The following TROAP variants were observed in gnomAD, a reference collection of about 807,000 sequenced individuals.
TROAP encodes trophinin associated protein.
TROAP carries 62 observed loss-of-function variants against 83.4 expected under a neutral mutation model. The observed-to-expected ratio is 0.74, with a 90% CI of 0.61 to 0.92. The LOEUF (loss-of-function observed/expected upper bound fraction) is 0.92. Among genes scored for constraint, TROAP ranks in the 40% least tolerant of loss-of-function variants. The pLI is 0.00. For synonymous variants in TROAP, 352 were observed against 386.4 expected, an observed-to-expected ratio of 0.91 and a Z score of 1.04; for missense variants, 876 against 985.1, an observed-to-expected ratio of 0.89 and a Z score of 1.48.
In TROAP at chr12:49,326,134, G is replaced by A. The variant is rs770183739; in HGVS notation, c.692G>A (p.Arg231Lys). The change falls in exon 6 of 15, where the codon AGA becomes AAA. Residue 231 changes from arginine to lysine, a missense_variant. Physicochemically the swap from Arg to Lys is conservative, Grantham distance 26. Transcript: ENST00000257909. ...PSTRPSFQELRRETAGSSRTS... is the reference protein window; with the variant it reads ...PSTRPSFQELKRETAGSSRTS... ...ACTCGCCCCAGTTTCCAGGAGCTAA[G>A]AAGGGAGACAGCTGGCAGCAGCCGG... 6.2e-7 allele frequency: 1 copy of A among 1,614,056 alleles called. No individual in the cohort carries two copies. The highest frequency in any genetic ancestry group is 1.1e-5 in the South Asian group (1 of 91,078).
chr12:49,325,094 T>G (rs936312601), intron 3 of TROAP, among the ~76,000 whole-genome samples: 1 of 151,648 alleles, frequency 6.6e-6, no homozygotes, highest in Non-Finnish European at 1.5e-5. Flanking sequence ...TTTGTTTTTG[T>G]TTTTTGTAGA....
Position 49,331,276 on chromosome 12 carries a change from G to A in TROAP, c.2161G>A (p.Ala721Thr), listed in dbSNP as rs757967719. The A allele has an allele frequency of 1.2e-5, 20 of 1,614,048 alleles. No homozygotes were observed. The highest frequency in any genetic ancestry group is 1.1e-4 in the African/African-American group (8 of 74,916). ...GGAGCGCCTCAAATCGTGTTTAACC[G>A]CCATCCACTGCTTCCACGAGGCTCG... is the stretch of plus-strand genomic sequence containing the variant. Reference protein sequence around the residue: ...LRERLKSCLTAIHCFHEARLD... With the variant: ...LRERLKSCLTTIHCFHEARLD... Residue 721 changes from alanine (A) to threonine (T), a missense_variant, in exon 14 of 15, where the codon GCC (alanine) becomes ACC (threonine). This residue lies in a region of TROAP where 184 missense variants were observed against 238.3 expected (regional missense o/e 0.77). Transcript: ENST00000257909.
intron 8 of TROAP, 46 bp from the exon 9 acceptor site, chr12:49,328,881 G>A (rs376618214): frequency 2.2e-5 from 33 of 1,503,650 alleles, no homozygotes; most frequent in Non-Finnish European, 2.7e-5. Context: ...AAAATAGGAA[G>A]ACAAAGGGGG....
chr12:49,326,752 G>A, intron 7 of TROAP, 32 bp downstream of exon 7: 1 of 1,554,700 alleles, frequency 6.4e-7, no homozygotes. Flanking sequence ...AGAGAACAGG[G>A]GCAGTTGGGC....
rs191626545 is a variant in TROAP at position 49,323,338 on chromosome 12, G to C, written c.-17G>C. On this transcript the variant is annotated 5_prime_UTR_variant, in exon 1 of 15. Coordinates refer to ENST00000257909, the MANE Select transcript of TROAP (RefSeq NM_005480.4). ...GGAGGAAGCTGGGTAGGCCCTGAGG[G>C]GCCTCGGTAAGGTAAGGCACGGGGG... 1 of 425,060 alleles carries C rather than the reference G, an allele frequency of 2.4e-6. No homozygotes were observed. The highest frequency in any genetic ancestry group is 2.0e-5 in the African/African-American group (1 of 49,216). The allele number at this position is 425,060 out of a possible 1,614,324, so 26.3% of individuals were successfully genotyped here.
intron 7 of TROAP, 89 bp from the exon 8 acceptor site, chr12:49,327,120 T>TGC (rs1943511752): frequency 1.3e-5 from 20 of 1,540,064 alleles, no homozygotes; most frequent in Non-Finnish European, 1.5e-5. Context: ...CCTATTAAAC[T>TGC]AATATACCCT....
chr12:49,326,083 C>A lies in TROAP; in HGVS notation c.641C>A (p.Pro214His). 1 of 1,613,806 alleles carries A rather than the reference C, an allele frequency of 6.2e-7. No individual in the cohort carries two copies. Among genetic ancestry groups the A allele is most frequent in the East Asian group, 2.2e-5 (1 of 44,886 alleles). Reference protein sequence around the residue: ...CPQRLQALISPSGPSFHPSTR... With the variant: ...CPQRLQALISHSGPSFHPSTR... ...CTTGCTCCTGTGGATCAGATTTCAC[C>A]TTCAGGACCTTCCTTTCACCCTTCC... The change falls in exon 6 of 15, where the codon CCT becomes CAT. Residue 214 changes from proline to histidine, a missense_variant. Transcript: ENST00000257909.
At chr12:49,331,549 T>G in intron 14 of TROAP, 24 bp from the exon 15 acceptor site, 1 of 1,614,178 alleles carries the variant, frequency 6.2e-7, no homozygotes, top group Non-Finnish European at 8.5e-7. Context: ...GGCTGAGCTG[T>G]GACAAGGTCT....
chr12:49,325,383 A>T (rs1943482638), intron 3 of TROAP, 118 bp from the exon 4 acceptor site: 3 of 1,080,708 alleles, frequency 2.8e-6, no homozygotes, highest in Non-Finnish European at 3.8e-6. Context: ...AAAAAAAAAA[A>T]TAAGCCAAAT....
Position 49,330,755 on chromosome 12 carries a change from C to T in TROAP, c.1910C>T (p.Pro637Leu), listed in dbSNP as rs1430113471. The change falls in exon 13 of 15, where the codon CCT becomes CTT. Residue 637 changes from proline to leucine, a missense_variant. Coordinates refer to ENST00000257909, the MANE Select transcript of TROAP (RefSeq NM_005480.4). ...CAGTCTGGACCCCCAGGGCCCTGCC[C>T]TAGGGTAGAGCTGGGGGCATCAGAG... ...QGQSGPPGPCPRVELGASEPC... is the reference protein window; with the variant it reads ...QGQSGPPGPCLRVELGASEPC... 2 of 1,613,884 alleles carry T rather than the reference C, an allele frequency of 1.2e-6. No individual in the cohort carries two copies. The highest frequency in any genetic ancestry group is 1.7e-6 in the Non-Finnish European group (2 of 1,179,958).
At position 49,330,006 on chromosome 12, in the gene TROAP, C is replaced by G. The variant is rs774000428; in HGVS notation, c.1299+15C>G. 2.5e-6 allele frequency: 4 copies of G among 1,613,564 alleles called. No individual in the cohort carries two copies. The South Asian group carries it at 4.4e-5, about 18-fold the overall frequency. On this transcript the variant is annotated intron_variant, in intron 12 of 14. Coordinates refer to ENST00000257909, the MANE Select transcript of TROAP (RefSeq NM_005480.4). ...TGAAGATTCAAGTGAGTCTGTGTGG[C>G]CAACAGCTTTGATGTCTATTGAACA...
chr12:49,330,051 G>C, intron 12 of TROAP, 60 bp downstream of exon 12: 2 of 1,608,302 alleles, frequency 1.2e-6, no homozygotes, highest in Non-Finnish European at 1.7e-6. Flanking sequence ...CTGAGGAAGA[G>C]GGAAAAGAGA....
Position 49,331,681 on chromosome 12 carries a change from C to T in TROAP, c.*64C>T. 6.2e-7 allele frequency: 1 copy of T among 1,605,838 alleles called. No homozygotes were observed. Among genetic ancestry groups the T allele is most frequent in the Non-Finnish European group, 8.5e-7 (1 of 1,173,880 alleles). On this transcript the variant is annotated 3_prime_UTR_variant, in exon 15 of 15. Transcript: ENST00000257909. ...TAGCCCTTATTTATTGTCGGTCTGCCCATGGGACTGGGAGCCGCCCACTTT... is the reference window on the plus strand; with the variant it reads ...TAGCCCTTATTTATTGTCGGTCTGCTCATGGGACTGGGAGCCGCCCACTTT...
chr12:49,328,946 T>C lies in TROAP; in HGVS notation c.911T>C (p.Leu304Pro). ...SHTRDSHDSH[L>P]MPSPAPVAQP... is the part of the protein sequence containing the mutation. ...TCACAGGACAGCCATGACTCCCACC[T>C]GATGCCCTCCCCTGCCCCTGTGGCC... The change falls in exon 9 of 15, where the codon CTG (leucine) becomes CCG (proline). Residue 304 changes from leucine (L) to proline (P), a missense_variant. Coordinates refer to ENST00000257909, the MANE Select transcript of TROAP (RefSeq NM_005480.4). 6.3e-7 allele frequency: 1 copy of C among 1,582,028 alleles called. No individual in the cohort carries two copies. The highest frequency in any genetic ancestry group is 8.6e-7 in the Non-Finnish European group (1 of 1,162,430).
Position 49,330,840 on chromosome 12 carries a change from G to A in TROAP, c.1995G>A (p.Trp665Ter), listed in dbSNP as rs1565672689. The stretch of plus-strand genomic sequence containing the variant: ...GTCTACCACCCTGCTGCAGTCAGTG[G>A]GCTCCAGCAACCACCAGCCTGATCT... The part of the protein sequence containing the change: ...ESSLPPCCSQ[W>*]APATTSLIFS... Residue 665 changes from tryptophan (W) to a stop codon, truncating the protein, a stop_gained, in exon 13 of 15, where the codon TGG (tryptophan) becomes TGA (stop). Coordinates refer to ENST00000257909, the MANE Select transcript of TROAP (RefSeq NM_005480.4). LOFTEE classifies it high-confidence loss of function. The A allele has an allele frequency of 3.7e-6, 6 of 1,613,334 alleles. No homozygotes were observed. The highest frequency in any genetic ancestry group is 5.1e-6 in the Non-Finnish European group (6 of 1,179,962).
chr12:49,324,050 G>T lies in TROAP; in HGVS notation c.337+13G>T. On this transcript the variant is annotated intron_variant, in intron 3 of 14. Transcript: ENST00000257909. ...CCTGCCCAGACAGGTACCTGTTGGAGCCATGGTAACACGGCCTCCATGGCT... is the reference window on the plus strand; with the variant it reads ...CCTGCCCAGACAGGTACCTGTTGGATCCATGGTAACACGGCCTCCATGGCT... 1.9e-6 allele frequency: 3 copies of T among 1,612,364 alleles called. No individual in the cohort carries two copies. The highest frequency in any genetic ancestry group is 2.5e-6 in the Non-Finnish European group (3 of 1,178,884).
chr12:49,325,369 A>C lies in TROAP; in HGVS notation c.338-132A>C, dbSNP rs1943482292. ...CTGCACCCAGCCATCTATTTCTTAA[A>C]AAAAAAAAAAAAAATAAGCCAAATT... On this transcript the variant is annotated intron_variant, in intron 3 of 14. Transcript: ENST00000257909. 3 of 952,916 alleles carry C rather than the reference A, an allele frequency of 3.1e-6. No homozygotes were observed. In the Admixed American group the frequency reaches 9.8e-5, roughly 31 times the overall value. The allele number at this position is 952,916 out of a possible 1,614,324, so 59.0% of individuals were successfully genotyped here.
rs746918050 is a variant in TROAP at position 49,329,060 on chromosome 12, G to C, written c.1020+5G>C. 1.2e-6 allele frequency: 2 copies of C among 1,612,244 alleles called. No homozygotes were observed. Among genetic ancestry groups the C allele is most frequent in the East Asian group, 4.5e-5 (2 of 44,836 alleles). On this transcript the variant is annotated splice_donor_5th_base_variant and intron_variant, in intron 9 of 14. Coordinates refer to ENST00000257909, the MANE Select transcript of TROAP (RefSeq NM_005480.4). The surrounding 1 kb of genome is among the most constrained non-coding windows in gnomAD (Gnocchi z 4.5). ...TCCCCAGGCCCTCCAACTCTGGTTTGTGTCAACAACTGGGGGCTGGGCAGG... is the reference window on the plus strand; with the variant it reads ...TCCCCAGGCCCTCCAACTCTGGTTTCTGTCAACAACTGGGGGCTGGGCAGG...
intron 3 of TROAP, among the ~76,000 whole-genome samples, chr12:49,324,840 C>CATG (rs1943470579): frequency 6.6e-6 from 1 of 151,276 alleles, no homozygotes; most frequent in Non-Finnish European, 1.5e-5. Context: ...AAGCGATTCT[C>CATG]ATGCCTCACC....
Sources: allele counts gnomAD v4.1 joint callset (sites outside exome capture counted in the v4.1 genomes callset), GRCh38; gene constraint gnomAD v4.1.1; regional missense constraint gnomAD v4.1.1; non-coding constraint Gnocchi (gnomAD v3.1); transcripts MANE v1.5; gene names NCBI Gene and HGNC (gene_info 2026-07-23, HGNC 2026-07-21).